The following CTIF variants were observed in gnomAD, a reference collection of about 807,000 sequenced individuals.
CTIF encodes the protein CBP80/20-dependent translation initiation factor.
A neutral mutation model predicts 66.0 loss-of-function variants in CTIF; 21 were observed. The ratio of observed to expected loss-of-function variants is 0.32; its 90% CI spans 0.23 to 0.46. The LOEUF (loss-of-function observed/expected upper bound fraction) is 0.46, where lower values mean the gene tolerates loss of function less well. Ranked by LOEUF, CTIF falls within the 20% of genes least tolerant of loss-of-function variation. The pLI is 1.00. For missense variants in CTIF, 739 were observed against 812.7 expected (o/e 0.91, Z 1.10); for synonymous variants, 345 against 326.4 (o/e 1.06, Z -0.62).
chr18:48,574,534 G>A (rs1397082396), intron 1 of CTIF, among the ~76,000 whole-genome samples: 1 of 152,222 alleles, frequency 6.6e-6, no homozygotes, highest in Non-Finnish European at 1.5e-5. Flanking sequence ...TCTGTTCCTT[G>A]TGGTTCAGCC....
At chr18:48,683,036 C>T (rs2091774021) in intron 6 of CTIF, 1 of 152,260 alleles carries the variant, frequency 6.6e-6, no homozygotes, top group South Asian at 2.1e-4. Context: ...GCAGATGAAC[C>T]ATCCACAGCG....
At chr18:48,686,058 C>T (rs190275148) in intron 6 of CTIF, among the ~76,000 whole-genome samples, 39 of 152,318 alleles carry the variant, frequency 2.6e-4, no homozygotes, top group African/African-American at 9.4e-4. Context: ...ACTGTTTCTG[C>T]TAATACTTTC....
At chr18:48,798,595 G>A (rs755271959) in intron 9 of CTIF, among the ~76,000 whole-genome samples, 83 of 152,328 alleles carry the variant, frequency 5.4e-4, no homozygotes, top group South Asian at 1.2e-3. Flanking sequence ...TGTGCAGCCT[G>A]CAGCTTTCTA....
At chr18:48,549,514 T>G (rs2088833966) in intron 1 of CTIF, among the ~76,000 whole-genome samples, 1 of 152,220 alleles carries the variant, frequency 6.6e-6, no homozygotes, top group Non-Finnish European at 1.5e-5. Context: ...TCAAGGACTC[T>G]GTCTAACCTA....
chr18:48,678,733 G>A lies in CTIF; in HGVS notation c.507+7989G>A, dbSNP rs73445515. On this transcript the variant is annotated intron_variant, in intron 6 of 11. Coordinates refer to ENST00000256413, the MANE Select transcript of CTIF (RefSeq NM_014772.3). ...GGGCCTCCTCCTGCTCACTCCATGC[G>A]GAGCAGAAGGCAGGGAGCTGGGACT... 9.1e-3 allele frequency among the ~76,000 whole-genome samples: 1,379 copies of A among 152,124 alleles called. 20 individuals carry two copies. The highest frequency in any genetic ancestry group is 0.031 in the African/African-American group (1,268 of 41,464).
intron 7 of CTIF, among the ~76,000 whole-genome samples, chr18:48,717,028 C>G (rs1372146377): frequency 6.6e-6 from 1 of 151,878 alleles, no homozygotes; most frequent in Non-Finnish European, 1.5e-5. Context: ...GTGGCCACAG[C>G]CTACAGCAGC....
At chr18:48,677,726 T>C (rs955432704) in intron 6 of CTIF, among the ~76,000 whole-genome samples, 1 of 152,170 alleles carries the variant, frequency 6.6e-6, no homozygotes, top group African/African-American at 2.4e-5. Flanking sequence ...TTTGCTTTAT[T>C]TCTTTTGCGT....
At chr18:48,619,861 TC>T in intron 2 of CTIF, 116 bp downstream of exon 2, 3 of 1,037,140 alleles carry the variant, frequency 2.9e-6, no homozygotes, top group Middle Eastern at 3.2e-4. Flanking sequence ...GCATGAATGG[TC>T]CCACCCAGCA....
At chr18:48,650,886 G>A (rs2091143466) in intron 3 of CTIF, among the ~76,000 whole-genome samples, 1 of 151,632 alleles carries the variant, frequency 6.6e-6, no homozygotes, top group South Asian at 2.1e-4. Flanking sequence ...TTCACATCCA[G>A]CCAAACTAAG....
chr18:48,650,742 C>G (rs955538895), intron 3 of CTIF, among the ~76,000 whole-genome samples: 1 of 151,982 alleles, frequency 6.6e-6, no homozygotes, highest in African/African-American at 2.4e-5. Context: ...GGGTTACCCA[C>G]GAAAGAAAGC....
chr18:48,609,428 A>G (rs763483550), intron 1 of CTIF, among the ~76,000 whole-genome samples: 1 of 152,318 alleles, frequency 6.6e-6, no homozygotes, highest in East Asian at 1.9e-4. Context: ...TCGAGTGACA[A>G]TTGCAACTGA....
intron 3 of CTIF, among the ~76,000 whole-genome samples, chr18:48,650,195 A>G (rs2091129015): frequency 3.3e-5 from 5 of 152,254 alleles, no homozygotes; most frequent in Non-Finnish European, 7.3e-5. Flanking sequence ...CTAAAGGAGG[A>G]TGTTTGAACC....
intron 1 of CTIF, among the ~76,000 whole-genome samples, chr18:48,602,616 A>G (rs2090110264): frequency 6.6e-6 from 1 of 152,238 alleles, no homozygotes; most frequent in South Asian, 2.1e-4. Context: ...GAGCAAGCAG[A>G]TCAAAAATAA....
At chr18:48,699,441 C>G (rs995267980) in intron 6 of CTIF, among the ~76,000 whole-genome samples, 3 of 129,290 alleles carry the variant, frequency 2.3e-5, no homozygotes, top group African/African-American at 9.3e-5. Flanking sequence ...GGGCTGGAGC[C>G]GGGTGGTGCA....
At chr18:48,791,783 T>C (rs1220460703) in intron 9 of CTIF, among the ~76,000 whole-genome samples, 2 of 152,230 alleles carry the variant, frequency 1.3e-5, no homozygotes, top group African/African-American at 2.4e-5. Context: ...TCTCTCTCTC[T>C]GTAGCCTTCC....
intron 1 of CTIF, among the ~76,000 whole-genome samples, chr18:48,574,101 C>T (rs1390822851): frequency 6.6e-6 from 1 of 152,244 alleles, no homozygotes; most frequent in Non-Finnish European, 1.5e-5. Flanking sequence ...CTCTTCTTTC[C>T]TGAAACTGTC....
intron 1 of CTIF, among the ~76,000 whole-genome samples, chr18:48,557,235 G>C (rs1182867195): frequency 2.0e-5 from 3 of 152,154 alleles, no homozygotes; most frequent in Non-Finnish European, 4.4e-5. Context: ...AACTTGTTTG[G>C]AGACCTGGAA....
At chr18:48,807,611 C>T (rs557354963) in intron 9 of CTIF, among the ~76,000 whole-genome samples, 8 of 140,718 alleles carry the variant, frequency 5.7e-5, no homozygotes, top group South Asian at 4.5e-4. Flanking sequence ...GACAGAGTCT[C>T]GCTCTGTTGC....
At chr18:48,828,740 A>G (rs1225233459) in intron 10 of CTIF, among the ~76,000 whole-genome samples, 1 of 152,196 alleles carries the variant, frequency 6.6e-6, no homozygotes, top group African/African-American at 2.4e-5. Flanking sequence ...ACCCTCGGGC[A>G]TGGGCCCAGC....
Sources: allele counts gnomAD v4.1 joint callset (sites outside exome capture counted in the v4.1 genomes callset), GRCh38; gene constraint gnomAD v4.1.1; transcripts MANE v1.5; gene names NCBI Gene and HGNC (gene_info 2026-07-23, HGNC 2026-07-21).